The following LHFPL3 variants were observed in gnomAD, a reference collection of about 807,000 sequenced individuals.
LHFPL3 encodes LHFPL tetraspan subfamily member 3, also known as LHFPL tetraspan subfamily member 3 protein.
Under a neutral mutation model 19.3 loss-of-function variants are expected in LHFPL3, and 5 were observed. The observed-to-expected ratio is 0.26, with a 90% CI of 0.14 to 0.54. The LOEUF is 0.54. Among genes scored for constraint, LHFPL3 ranks in the 20% least tolerant of loss-of-function variants. The pLI is 0.94. For missense variants in LHFPL3, 249 were observed against 307.4 expected (o/e 0.81, Z 1.42); for synonymous variants, 133 against 126.2 (o/e 1.05, Z -0.36).
chr7:104,592,583 C>T (rs1457576228), intron 1 of LHFPL3, among the ~76,000 whole-genome samples: 2 of 152,134 alleles, frequency 1.3e-5, no homozygotes, highest in African/African-American at 4.8e-5. Context: ...TCTATCTGTT[C>T]TCAGATCTCA....
intron 1 of LHFPL3, among the ~76,000 whole-genome samples, chr7:104,588,020 G>T (rs7794370): frequency 0.96 from 146,828 of 152,298 alleles, 70,988 homozygotes; most frequent in East Asian, 1. Flanking sequence ...ATATTAGCCC[G>T]TTGTCAGATG....
At chr7:104,440,038 G>GCGGGA (rs71153197) in intron 1 of LHFPL3, among the ~76,000 whole-genome samples, 2 of 140,294 alleles carry the variant, frequency 1.4e-5, no homozygotes, top group African/African-American at 2.8e-5. Flanking sequence ...CAAAGCCTGG[G>GCGGGA]GGGGGGGAGG....
At chr7:104,484,799 G>C (rs73179957) in intron 1 of LHFPL3, among the ~76,000 whole-genome samples, 2 of 152,158 alleles carry the variant, frequency 1.3e-5, no homozygotes, top group African/African-American at 4.8e-5. Flanking sequence ...GAGACAGGAA[G>C]GGGGCTGAAC....
chr7:104,458,686 A>C (rs1792596604), intron 1 of LHFPL3, among the ~76,000 whole-genome samples: 1 of 151,958 alleles, frequency 6.6e-6, no homozygotes, highest in Non-Finnish European at 1.5e-5. Context: ...GATGACATTG[A>C]ATCTAAACCC....
intron 1 of LHFPL3, among the ~76,000 whole-genome samples, chr7:104,551,152 G>C (rs1562931860): frequency 6.6e-6 from 1 of 151,940 alleles, no homozygotes; most frequent in African/African-American, 2.4e-5. Flanking sequence ...TCATGTTTGC[G>C]AGCATTTTAT....
Position 104,440,035 on chromosome 7 carries a change from TG to T in LHFPL3, c.445+110821del, listed in dbSNP as rs1554394354. On this transcript the variant is annotated intron_variant, in intron 1 of 2. Coordinates refer to ENST00000424859, the MANE Select transcript of LHFPL3 (RefSeq NM_199000.3). The stretch of plus-strand genomic sequence containing the variant: ...CAAGATTACTATATAATACAAAGCC[TG>T]GGGGGGGGGAGGGATAGCATTAGGA... 5.0e-3 allele frequency among the ~76,000 whole-genome samples: 421 copies of T among 84,844 alleles called. 7 individuals are homozygous for T. The East Asian group carries it at 0.12, about 23-fold the overall frequency. The allele number at this position is 84,844 out of a possible 152,430, so 55.7% of individuals were successfully genotyped here. A position where few individuals can be genotyped will look rare whatever the true frequency, so the allele number is the denominator to read the frequency against.
At chr7:104,468,607 G>C (rs918808960) in intron 1 of LHFPL3, among the ~76,000 whole-genome samples, 1 of 151,322 alleles carries the variant, frequency 6.6e-6, no homozygotes, top group African/African-American at 2.4e-5. Context: ...GCATGGCACA[G>C]TTTCCATGGA....
At chr7:104,692,359 A>G (rs776179737) in intron 1 of LHFPL3, among the ~76,000 whole-genome samples, 1 of 152,234 alleles carries the variant, frequency 6.6e-6, no homozygotes, top group Non-Finnish European at 1.5e-5. Context: ...CACCAAGACA[A>G]TGGGGAAATT....
chr7:104,874,698 C>T (rs976493348), intron 2 of LHFPL3, among the ~76,000 whole-genome samples: 5 of 152,018 alleles, frequency 3.3e-5, no homozygotes, highest in African/African-American at 4.8e-5. Flanking sequence ...CATGAGCCAC[C>T]GCGCCCAGCT....
At chr7:104,608,641 TATA>T (rs575925063) in intron 1 of LHFPL3, among the ~76,000 whole-genome samples, 268 of 151,150 alleles carry the variant, frequency 1.8e-3, no homozygotes, top group Admixed American at 3.3e-3. Flanking sequence ...AAACTTAAAG[TATA>T]ATAATAATAA....
At chr7:104,746,025 T>C (rs1294366695) in intron 2 of LHFPL3, among the ~76,000 whole-genome samples, 1 of 152,082 alleles carries the variant, frequency 6.6e-6, no homozygotes, top group Non-Finnish European at 1.5e-5. Context: ...TTAAAAGGAT[T>C]CCAGGCCGGA....
chr7:104,514,088 T>A (rs935929219), intron 1 of LHFPL3, among the ~76,000 whole-genome samples: 1 of 152,152 alleles, frequency 6.6e-6, no homozygotes, highest in African/African-American at 2.4e-5. Context: ...ATTTCCTGCC[T>A]CCCTGGCCGT....
chr7:104,667,968 C>G, intron 1 of LHFPL3: 3 of 1,613,414 alleles, frequency 1.9e-6, no homozygotes, highest in Middle Eastern at 1.8e-4. Flanking sequence ...TTCCATCCTT[C>G]CCACTGCTCC....
chr7:104,359,579 A>G (rs1184634056), intron 1 of LHFPL3, among the ~76,000 whole-genome samples: 4 of 152,232 alleles, frequency 2.6e-5, no homozygotes, highest in South Asian at 4.1e-4. Flanking sequence ...TTGACTATTC[A>G]TGTTCTTGAG....
rs544347257 is a variant in LHFPL3 at position 104,331,601 on chromosome 7, T to G, written c.445+2377T>G. ...GTTTTCAGGATTTTTCTAAAAAAAT[T>G]AAGTCTCATTATACTAACAAAAAAT... On this transcript the variant is annotated intron_variant, in intron 1 of 2. Coordinates refer to ENST00000424859, the MANE Select transcript of LHFPL3 (RefSeq NM_199000.3). Among the ~76,000 whole-genome samples the G allele has an allele frequency of 2.0e-5, 3 of 152,314 alleles. No homozygotes were observed. In the South Asian group the frequency reaches 6.2e-4, roughly 32 times the overall value.
At chr7:104,478,253 A>G (rs1414298351) in intron 1 of LHFPL3, among the ~76,000 whole-genome samples, 1 of 152,130 alleles carries the variant, frequency 6.6e-6, no homozygotes, top group Non-Finnish European at 1.5e-5. Flanking sequence ...AGGTTGAGAA[A>G]TTATTTCAAC....
At chr7:104,504,605 A>G (rs781138371) in intron 1 of LHFPL3, among the ~76,000 whole-genome samples, 1 of 152,234 alleles carries the variant, frequency 6.6e-6, no homozygotes, top group Admixed American at 6.5e-5. Context: ...GGTTATGAAT[A>G]TTTAATACAA....
At chr7:104,603,112 TTCTTTCTTTCTTTCTTTCTTTTTTC>T (rs1791011233) in intron 1 of LHFPL3, among the ~76,000 whole-genome samples, 2 of 142,268 alleles carry the variant, frequency 1.4e-5, no homozygotes, top group African/African-American at 5.4e-5. Flanking sequence ...CTTTCTTTCT[TTCTTTCTTTCTTTCTTTCTTTTTTC>T]CCTTCCTTCC....
chr7:104,772,356 A>G (rs1407946217), intron 2 of LHFPL3, among the ~76,000 whole-genome samples: 1 of 152,182 alleles, frequency 6.6e-6, no homozygotes, highest in East Asian at 1.9e-4. Context: ...TTAGAACCCA[A>G]TTCTTTTGAT....
Sources: allele counts gnomAD v4.1 joint callset (sites outside exome capture counted in the v4.1 genomes callset), GRCh38; gene constraint gnomAD v4.1.1; transcripts MANE v1.5; gene names NCBI Gene and HGNC (gene_info 2026-07-23, HGNC 2026-07-21).